RBBP6: variants seen among roughly 807,000 people sequenced by gnomAD.
RBBP6 encodes the protein E3 ubiquitin-protein ligase RBBP6.
A neutral mutation model predicts 167.7 loss-of-function variants in RBBP6; 25 were observed. The ratio of observed to expected loss-of-function variants is 0.15; its 90% confidence interval spans 0.11 to 0.21. The LOEUF (loss-of-function observed/expected upper bound fraction) is 0.21, where lower values mean the gene tolerates loss of function less well. RBBP6 is among the 10% of genes least tolerant of loss of function. RBBP6 has a pLI of 1.00. For synonymous variants in RBBP6, 789 were observed against 735.8 expected (o/e 1.07, Z -1.17); for missense variants, 1,868 against 2,134.2 (o/e 0.88, Z 2.46).
intron 2 of RBBP6, among the ~76,000 whole-genome samples, chr16:24,547,996 GT>G (rs148114436): frequency 3.3e-5 from 5 of 150,596 alleles, no homozygotes; most frequent in Non-Finnish European, 5.9e-5. Context: ...ATGCATCTCA[GT>G]TTTTTTTTGA....
At chr16:24,541,786 C>T (rs1898507005) in intron 1 of RBBP6, among the ~76,000 whole-genome samples, 1 of 152,150 alleles carries the variant, frequency 6.6e-6, no homozygotes, top group Non-Finnish European at 1.5e-5. Flanking sequence ...CTAAAAGTTA[C>T]TGATGGAATG....
chr16:24,563,732 G>A, intron 13 of RBBP6, 68 bp downstream of exon 13: 4 of 1,478,108 alleles, frequency 2.7e-6, no homozygotes, highest in Non-Finnish European at 3.7e-6. Flanking sequence ...GTCCAAACTA[G>A]GCAAACTAGA....
chr16:24,559,083 G>A (rs1437373671), intron 7 of RBBP6, among the ~76,000 whole-genome samples: 4 of 151,944 alleles, frequency 2.6e-5, no homozygotes, highest in Non-Finnish European at 5.9e-5. Flanking sequence ...GAGATTTTTT[G>A]GGATTTTTAA....
In RBBP6 at chr16:24,570,935, G is replaced by T; in HGVS notation, c.3869G>T (p.Arg1290Leu). ...TCTGAAGAAAAAACAGATACAAAGC[G>T]AACTGTGATTAAAACGATGGAAGAA... ...RKSEEKTDTK[R>L]TVIKTMEEYN... The change falls in exon 18 of 18, where the codon CGA (arginine) becomes CTA (leucine). Residue 1290 changes from arginine (R) to leucine (L), a missense_variant. Physicochemically the swap from Arg to Leu is moderately radical, Grantham distance 102. Coordinates refer to ENST00000319715, the MANE Select transcript of RBBP6 (RefSeq NM_006910.5). The T allele has an allele frequency of 1.3e-6, 2 of 1,599,138 alleles. No individual in the cohort carries two copies. Among genetic ancestry groups the T allele is most frequent in the South Asian group, 1.1e-5 (1 of 89,296 alleles).
intron 1 of RBBP6, among the ~76,000 whole-genome samples, chr16:24,541,738 C>CAGTA (rs1221562768): frequency 6.6e-6 from 1 of 152,146 alleles, no homozygotes; most frequent in Non-Finnish European, 1.5e-5. Flanking sequence ...TTTCTCAGAT[C>CAGTA]AGTAATGCTG....
Position 24,553,606 on chromosome 16 carries a change from A to G in RBBP6, c.348+49A>G, listed in dbSNP as rs773201952. ...AAAATATAAGTTTTTTTCTAACATC[A>G]TATTTTTTTATGTGGAACGGTTTTT... On this transcript the variant is annotated intron_variant, in intron 4 of 17. Coordinates refer to ENST00000319715, the MANE Select transcript of RBBP6 (RefSeq NM_006910.5). 13 of 1,424,852 alleles carry G rather than the reference A, an allele frequency of 9.1e-6. No homozygotes were observed. The South Asian group carries it at 9.5e-5, about 10-fold the overall frequency. 88.3% of individuals were successfully genotyped at this position (1,424,852 alleles called of 1,614,324 possible). A position where few individuals can be genotyped will look rare whatever the true frequency, so the allele number is the denominator to read the frequency against.
At position 24,541,205 on chromosome 16, in the gene RBBP6, C is replaced by CAAAAAAAAAAAA. The variant is rs933107246; in HGVS notation, c.166+420_166+421insAAAAAAAAAAAA. 1.7e-3 allele frequency among the ~76,000 whole-genome samples: 135 copies of CAAAAAAAAAAAA among 79,246 alleles called. 4 individuals are homozygous for CAAAAAAAAAAAA. Among genetic ancestry groups the CAAAAAAAAAAAA allele is most frequent in the South Asian group, 2.2e-3 (5 of 2,322 alleles). 52.0% of individuals were successfully genotyped at this position (79,246 alleles called of 152,430 possible). ...GCAAAAAAAAAAACAAAAAAAAAAC[C>CAAAAAAAAAAAA]AAAAAAACAATTTTCTAACCTAACA... On this transcript the variant is annotated intron_variant, in intron 1 of 17. Coordinates refer to ENST00000319715, the MANE Select transcript of RBBP6 (RefSeq NM_006910.5).
Position 24,548,874 on chromosome 16 carries a change from G to GT in RBBP6, c.267-70dup, listed in dbSNP as rs1433214735. On this transcript the variant is annotated intron_variant, in intron 2 of 17. Transcript: ENST00000319715. ...CTAAAAATGTATTATTGAAGATAAT[G>GT]TGTTAAAATTTATTAGCACAAAAAT... 1.8e-5 allele frequency: 22 copies of GT among 1,248,288 alleles called. No individual in the cohort carries two copies. The Admixed American group carries it at 4.5e-4, about 26-fold the overall frequency. 77.3% of individuals were successfully genotyped at this position (1,248,288 alleles called of 1,614,324 possible).
intron 8 of RBBP6, 111 bp from the exon 9 acceptor site, chr16:24,561,501 C>T (rs1899054875): frequency 1.1e-6 from 1 of 888,454 alleles, no homozygotes; most frequent in Non-Finnish European, 1.8e-6. Context: ...GCACGACATG[C>T]TTGGAAAACA....
chr16:24,564,652 T>C, intron 13 of RBBP6, 145 bp from the exon 14 acceptor site: 1 of 1,069,464 alleles, frequency 9.4e-7, no homozygotes, highest in Non-Finnish European at 1.3e-6. Context: ...TACTCAGCTC[T>C]GTATCCGAAA....
In RBBP6 at chr16:24,569,365, G is replaced by A. The variant is rs761516123; in HGVS notation, c.2675G>A (p.Arg892Gln). ...DYVGGQSHRSRNIGSNYPEKL... is the reference protein window; with the variant it reads ...DYVGGQSHRSQNIGSNYPEKL... Reference sequence around the variant, plus strand: ...GTTGGTGGGCAAAGTCATAGAAGTCGAAACATAGGTAGCAACTATCCAGAA... The same window carrying A: ...GTTGGTGGGCAAAGTCATAGAAGTCAAAACATAGGTAGCAACTATCCAGAA... Residue 892 changes from arginine to glutamine, a missense_variant, in exon 17 of 18, where the codon CGA becomes CAA. Transcript: ENST00000319715. The A allele has an allele frequency of 7.4e-6, 12 of 1,614,068 alleles. No individual in the cohort carries two copies. The highest frequency in any genetic ancestry group is 9.3e-6 in the Non-Finnish European group (11 of 1,180,024).
Position 24,562,080 on chromosome 16 carries a change from C to T in RBBP6, c.1208C>T (p.Ser403Phe). The change falls in exon 10 of 18, where the codon TCT becomes TTT. Residue 403 changes from serine to phenylalanine, a missense_variant. Ser to Phe is a radical substitution (Grantham distance 155, BLOSUM62 -2). Transcript: ENST00000319715. ...SLAPPVSGNP[S>F]SAPAPVPDIT... ...GCCCCTCCTGTGTCTGGAAATCCGT[C>T]TTCTGCTCCAGCTCCTGTACCTGAT... The T allele has an allele frequency of 6.2e-7, 1 of 1,613,518 alleles. No homozygotes were observed. Among genetic ancestry groups the T allele is most frequent in the Non-Finnish European group, 8.5e-7 (1 of 1,179,540 alleles).
Position 24,571,896 on chromosome 16 carries a change from T to A in RBBP6, c.4830T>A (p.Ser1610Arg), listed in dbSNP as rs1302745432. Residue 1610 changes from serine to arginine, a missense_variant, in exon 18 of 18, where the codon AGT becomes AGA. This residue lies in a region of RBBP6 where 591 missense variants were observed against 540.5 expected (regional missense o/e 1.09). Transcript: ENST00000319715. The stretch of plus-strand genomic sequence containing the variant: ...AAATTACTGGGCAAATTGACAAGAG[T>A]ACTGTCAAGCCTAAACCCCAGTTAA... ...KEQITGQIDK[S>R]TVKPKPQLSH... The A allele has an allele frequency of 6.2e-7, 1 of 1,614,072 alleles. No homozygotes were observed. The highest frequency in any genetic ancestry group is 1.7e-5 in the Admixed American group (1 of 60,020).
rs748538218 is a variant in RBBP6, at chr16:24,569,549, A to G, written c.2859A>G (p.Leu953=). 2 of 1,612,280 alleles carry G rather than the reference A, an allele frequency of 1.2e-6. No individual in the cohort carries two copies. The highest frequency in any genetic ancestry group is 2.2e-5 in the East Asian group (1 of 44,866). ...GTGAGGGTTTTCTGAACCCAGAGTT[A>G]TTAGAGACTTCTAGGAAATCAAGAG... ...EESEGFLNPE[L]LETSRKSREP... Residue 953 remains leucine, a synonymous_variant, in exon 17 of 18, where the codon TTA becomes TTG. Coordinates refer to ENST00000319715, the MANE Select transcript of RBBP6 (RefSeq NM_006910.5).
intron 1 of RBBP6, among the ~76,000 whole-genome samples, chr16:24,541,012 A>C (rs950661360): frequency 6.6e-6 from 1 of 152,028 alleles, no homozygotes; most frequent in African/African-American, 2.4e-5. Flanking sequence ...TAACAGGCTA[A>C]CCCAAAACGT....
At position 24,570,935 on chromosome 16, in the gene RBBP6, G is replaced by A. The variant is rs970837800; in HGVS notation, c.3869G>A (p.Arg1290Gln). ...TCTGAAGAAAAAACAGATACAAAGC[G>A]AACTGTGATTAAAACGATGGAAGAA... ...RKSEEKTDTKRTVIKTMEEYN... is the reference protein window; with the variant it reads ...RKSEEKTDTKQTVIKTMEEYN... Residue 1290 changes from arginine (R) to glutamine (Q), a missense_variant, in exon 18 of 18, where the codon CGA becomes CAA. Transcript: ENST00000319715. 1.9e-6 allele frequency: 3 copies of A among 1,599,140 alleles called. No individual in the cohort carries two copies. The highest frequency in any genetic ancestry group is 2.6e-6 in the Non-Finnish European group (3 of 1,168,834).
rs1899357233 is a variant in RBBP6, at chr16:24,572,186, C to G, written c.5120C>G (p.Ser1707Cys). 6.2e-7 allele frequency: 1 copy of G among 1,613,984 alleles called. No individual in the cohort carries two copies. Among genetic ancestry groups the G allele is most frequent in the Admixed American group, 1.7e-5 (1 of 59,996 alleles). Reference protein sequence around the residue: ...SVSPSRSHSPSGSQTRSHSSS... With the variant: ...SVSPSRSHSPCGSQTRSHSSS... ...AGCCCCAGCAGAAGCCACAGTCCTT[C>G]TGGAAGCCAGACCCGAAGCCACAGT... is the stretch of plus-strand genomic sequence containing the variant. Residue 1707 changes from serine to cysteine, a missense_variant, in exon 18 of 18, where the codon TCT (serine) becomes TGT (cysteine). This residue lies in a region of RBBP6 where 591 missense variants were observed against 540.5 expected (regional missense o/e 1.09). Transcript: ENST00000319715.
intron 12 of RBBP6, 54 bp downstream of exon 12, chr16:24,563,555 C>T (rs1007900127): frequency 1.2e-6 from 2 of 1,610,408 alleles, no homozygotes; most frequent in Non-Finnish European, 1.7e-6. Context: ...ATAATTTTAG[C>T]TTGATTTAAT....
In RBBP6 at chr16:24,569,580, A is replaced by C. The variant is rs765793950; in HGVS notation, c.2890A>C (p.Thr964Pro). 1 of 1,612,846 alleles carries C rather than the reference A, an allele frequency of 6.2e-7. No individual in the cohort carries two copies. The highest frequency in any genetic ancestry group is 1.7e-5 in the Admixed American group (1 of 59,696). ...LETSRKSREPTGVEENKTDSL... is the reference protein window; with the variant it reads ...LETSRKSREPPGVEENKTDSL... The stretch of plus-strand genomic sequence containing the variant: ...GACTTCTAGGAAATCAAGAGAACCT[A>C]CAGGTGTTGAAGAAAATAAAACAGA... The change falls in exon 17 of 18, where the codon ACA (threonine) becomes CCA (proline). Residue 964 changes from threonine to proline, a missense_variant. Physicochemically the swap from Thr to Pro is conservative, Grantham distance 38. This residue lies in a region of RBBP6 where 673 missense variants were observed against 691.5 expected (regional missense o/e 0.97). Transcript: ENST00000319715.
Sources: gnomAD v4.1 joint callset for allele counts (sites outside exome capture counted in the v4.1 genomes callset) on GRCh38, gnomAD v4.1.1 for gene constraint, gnomAD v4.1.1 regional missense constraint, MANE v1.5 for transcripts, NCBI Gene and HGNC (gene_info 2026-07-23, HGNC 2026-07-21) for gene names.